The following KCNG2 variants were observed in gnomAD, a reference collection of about 807,000 sequenced individuals.
The protein encoded by KCNG2 is potassium voltage-gated channel modifier subfamily G member 2.
In KCNG2, 7 loss-of-function variants were observed where a neutral mutation model predicts 12.3. The ratio of observed to expected loss-of-function variants is 0.57; its 90% CI spans 0.32 to 1.07. The LOEUF is 1.07. KCNG2 is among the 50% of genes least tolerant of loss of function. The pLI is 0.04. For synonymous variants in KCNG2, 414 were observed against 351.4 expected (o/e 1.18, Z -1.99); for missense variants, 703 against 726.0 (o/e 0.97, Z 0.36).
intron 3 of KCNG2, among the ~76,000 whole-genome samples, chr18:79,874,428 A>T (rs1167861827): frequency 6.6e-6 from 1 of 152,196 alleles, no homozygotes; most frequent in Non-Finnish European, 1.5e-5. Flanking sequence ...CCACTCCCCA[A>T]ATTAACACAC....
chr18:79,802,663 A>G (rs1007272157), intron 1 of KCNG2, among the ~76,000 whole-genome samples: 1 of 151,718 alleles, frequency 6.6e-6, no homozygotes, highest in Non-Finnish European at 1.5e-5. Context: ...AACCTGGCAG[A>G]TAACAGATTC....
chr18:79,805,861 A>G (rs2087445401), intron 1 of KCNG2, among the ~76,000 whole-genome samples: 1 of 138,628 alleles, frequency 7.2e-6, no homozygotes, highest in Non-Finnish European at 1.6e-5. Context: ...GCAGGTCCAC[A>G]TGCACACACA....
chr18:79,801,905 C>T (rs1187844886), intron 1 of KCNG2, among the ~76,000 whole-genome samples: 3 of 152,196 alleles, frequency 2.0e-5, no homozygotes, highest in African/African-American at 7.2e-5. Context: ...TCATCACACT[C>T]ATCACCTGGT....
chr18:79,828,553 GTC>G (rs1466795088), intron 1 of KCNG2, among the ~76,000 whole-genome samples: 2 of 151,962 alleles, frequency 1.3e-5, no homozygotes, highest in African/African-American at 4.8e-5. Context: ...GCATCTGTGT[GTC>G]TATCTGTGTG....
At chr18:79,805,504 A>G (rs955033324) in intron 1 of KCNG2, among the ~76,000 whole-genome samples, 1 of 151,896 alleles carries the variant, frequency 6.6e-6, no homozygotes, top group African/African-American at 2.4e-5. Context: ...GCACTTGATG[A>G]TGTCTGGCTA....
chr18:79,804,954 G>A (rs2087437413), intron 1 of KCNG2, among the ~76,000 whole-genome samples: 1 of 152,062 alleles, frequency 6.6e-6, no homozygotes, highest in South Asian at 2.1e-4. Context: ...CCACACACAC[G>A]CACACACACA....
Position 79,899,667 on chromosome 18 carries a change from C to G in KCNG2, c.1252C>G (p.Gln418Glu). The change falls in exon 4 of 4, where the codon CAG (glutamine) becomes GAG (glutamate). Residue 418 changes from glutamine to glutamate, a missense_variant. Transcript: ENST00000316249. ...FSRSYSELKEQQQRAASPEPA... is the reference protein window; with the variant it reads ...FSRSYSELKEEQQRAASPEPA... ...GCGCTCCTACTCCGAGCTCAAGGAG[C>G]AGCAGCAGCGCGCGGCCAGCCCCGA... 4 of 1,607,560 alleles carry G rather than the reference C, an allele frequency of 2.5e-6. No homozygotes were observed. The highest frequency in any genetic ancestry group is 3.4e-6 in the Non-Finnish European group (4 of 1,177,730).
intron 1 of KCNG2, among the ~76,000 whole-genome samples, chr18:79,847,934 A>G (rs1555693146): frequency 3.3e-5 from 5 of 152,206 alleles, no homozygotes; most frequent in Non-Finnish European, 7.3e-5. Context: ...TCATTTATGT[A>G]TGTGTATTTA....
intron 3 of KCNG2, among the ~76,000 whole-genome samples, chr18:79,885,786 G>A (rs1308217335): frequency 1.3e-5 from 2 of 151,942 alleles, no homozygotes; most frequent in Non-Finnish European, 2.9e-5. Context: ...GGGGACACAG[G>A]ACAGGGAGAT....
intron 3 of KCNG2, among the ~76,000 whole-genome samples, chr18:79,879,053 TG>T (rs1275676138): frequency 1.3e-5 from 2 of 152,278 alleles, no homozygotes; most frequent in South Asian, 4.1e-4. Flanking sequence ...GACCCGGATG[TG>T]GGGGTCAGGC....
At chr18:79,845,824 C>T (rs750953462) in intron 1 of KCNG2, among the ~76,000 whole-genome samples, 14 of 152,206 alleles carry the variant, frequency 9.2e-5, no homozygotes, top group African/African-American at 2.2e-4. Context: ...CAGTGGCTCA[C>T]GCCTGTAATC....
chr18:79,871,612 G>A (rs1217170971), intron 3 of KCNG2, among the ~76,000 whole-genome samples: 8 of 152,172 alleles, frequency 5.3e-5, no homozygotes, highest in South Asian at 2.1e-4. Flanking sequence ...CGAGTGGGCG[G>A]TGCAGGACCA....
intron 1 of KCNG2, among the ~76,000 whole-genome samples, chr18:79,813,183 T>C: frequency 6.6e-6 from 1 of 151,950 alleles, no homozygotes; most frequent in Non-Finnish European, 1.5e-5. Context: ...AATTTAAAAA[T>C]AAAAAAAGAA....
At chr18:79,830,070 C>T (rs944915482) in intron 1 of KCNG2, among the ~76,000 whole-genome samples, 2 of 152,138 alleles carry the variant, frequency 1.3e-5, no homozygotes, top group African/African-American at 2.4e-5. Flanking sequence ...AAAGTGTTCC[C>T]CCTGAAGTAG....
intron 2 of KCNG2, among the ~76,000 whole-genome samples, chr18:79,862,161 T>G (rs1484915528): frequency 6.6e-6 from 1 of 152,246 alleles, no homozygotes; most frequent in African/African-American, 2.4e-5. Flanking sequence ...GTCTATGAGC[T>G]ACACTCTTGT....
intron 1 of KCNG2, among the ~76,000 whole-genome samples, chr18:79,823,577 C>T (rs77264898): frequency 7.2e-5 from 11 of 152,068 alleles, no homozygotes; most frequent in African/African-American, 2.2e-4. Context: ...GTTTTCCATA[C>T]GTGTGAGAGT....
At chr18:79,847,644 T>TATTTACC (rs1411290305) in intron 1 of KCNG2, among the ~76,000 whole-genome samples, 2 of 152,216 alleles carry the variant, frequency 1.3e-5, no homozygotes, top group Non-Finnish European at 2.9e-5. Context: ...TAAATATTAT[T>TATTTACC]ATATCCCAGT....
Position 79,864,049 on chromosome 18 carries a change from G to A in KCNG2, c.382G>A (p.Glu128Lys). The change falls in exon 3 of 4, where the codon GAG (glutamate) becomes AAG (lysine). Residue 128 changes from glutamate to lysine, a missense_variant. Coordinates refer to ENST00000316249, the MANE Select transcript of KCNG2 (RefSeq NM_012283.2). ...CCLRRLRRRE[E>K]EAAEARAGPT... Reference sequence around the variant, plus strand: ...CCTGCGCCGCCTGCGCCGCCGCGAGGAGGAGGCGGCCGAGGCCCGCGCGGG... The same window carrying A: ...CCTGCGCCGCCTGCGCCGCCGCGAGAAGGAGGCGGCCGAGGCCCGCGCGGG... 8.9e-7 allele frequency: 1 copy of A among 1,124,092 alleles called. No individual in the cohort carries two copies. The highest frequency in any genetic ancestry group is 1.1e-6 in the Non-Finnish European group (1 of 919,598). The allele number at this position is 1,124,092 out of a possible 1,614,324, so 69.6% of individuals were successfully genotyped here.
At chr18:79,828,755 CTATG>C in intron 1 of KCNG2, among the ~76,000 whole-genome samples, 1 of 131,692 alleles carries the variant, frequency 7.6e-6, no homozygotes, top group Admixed American at 7.9e-5. Context: ...GTGTGGGTGT[CTATG>C]TGTGCGTGTG....
Sources: allele counts gnomAD v4.1 joint callset (sites outside exome capture counted in the v4.1 genomes callset), GRCh38; gene constraint gnomAD v4.1.1; transcripts MANE v1.5; gene names NCBI Gene and HGNC (gene_info 2026-07-23, HGNC 2026-07-21).